The following GNAS-AS1 variants were observed in gnomAD, a reference collection of about 807,000 sequenced individuals.
The protein encoded by GNAS-AS1 is GNAS antisense RNA 1 (non-protein coding).
rs1326714027 is a variant in GNAS-AS1 at position 58,840,554 on chromosome 20, C to A, written n.819+1383G>T. On this transcript the variant is annotated intron_variant and non_coding_transcript_variant, in intron 4 of 4. Coordinates refer to ENST00000424094, the Ensembl canonical transcript of GNAS-AS1. This position sits in a 1 kb window ranked among gnomAD's most constrained non-coding sequence, Gnocchi z 6.0. ...TGAAGACGATCGCGGCCCGGTGGTGCCCAAGCACTCCACCTTCGGCCAGTC... is the reference window on the plus strand; with the variant it reads ...TGAAGACGATCGCGGCCCGGTGGTGACCAAGCACTCCACCTTCGGCCAGTC... 2.5e-6 allele frequency: 4 copies of A among 1,613,110 alleles called. No homozygotes were observed. Among genetic ancestry groups the A allele is most frequent in the Admixed American group, 1.7e-5 (1 of 60,000 alleles).
chr20:58,830,419 ACCACCG>A (rs2085552990), intron 4 of GNAS-AS1, among the ~76,000 whole-genome samples: 3 of 130,568 alleles, frequency 2.3e-5, no homozygotes, highest in Admixed American at 7.6e-5. Context: ...CACCATCACC[ACCACCG>A]CCACACCACC....
intron 2 of GNAS-AS1, chr20:58,843,182 C>G (rs1047280949): frequency 1.3e-5 from 2 of 150,722 alleles, no homozygotes; most frequent in Admixed American, 1.3e-4. Context: ...CACTCTCCCC[C>G]GCTCAATTCC....
Position 58,841,721 on chromosome 20 carries a change from C to T in GNAS-AS1, n.819+216G>A. 2 of 1,221,892 alleles carry T rather than the reference C, an allele frequency of 1.6e-6. No individual in the cohort carries two copies. Among genetic ancestry groups the T allele is most frequent in the Non-Finnish European group, 2.0e-6 (2 of 982,042 alleles). The allele number at this position is 1,221,892 out of a possible 1,614,324, so 75.7% of individuals were successfully genotyped here. The stretch of plus-strand genomic sequence containing the variant: ...CCCTTGGGGATGCCCCTACGGGCTA[C>T]CAGGGTTGAACGCACAGGCATGGTC... On this transcript the variant is annotated intron_variant and non_coding_transcript_variant, in intron 4 of 4. Transcript: ENST00000424094. This position sits in a 1 kb window ranked among gnomAD's most constrained non-coding sequence, Gnocchi z 5.0.
rs1380534346 is a variant in GNAS-AS1, at chr20:58,850,865, A to G, written n.39T>C. The G allele has an allele frequency of 1.0e-5, 4 of 398,664 alleles. No homozygotes were observed. The Admixed American group carries it at 1.8e-4, about 18-fold the overall frequency. The allele number at this position is 398,664 out of a possible 1,614,324, so 24.7% of individuals were successfully genotyped here. On this transcript the variant is annotated non_coding_transcript_exon_variant, in exon 1 of 5. Transcript: ENST00000424094. ...CCCCCCACCGGCTTCCAACCACCCC[A>G]GCAGCACCTCTTCGGGCGTTCCAAC...
At chr20:58,835,743 C>T (rs917107423) in intron 4 of GNAS-AS1, among the ~76,000 whole-genome samples, 1 of 152,156 alleles carries the variant, frequency 6.6e-6, no homozygotes, top group African/African-American at 2.4e-5. Flanking sequence ...CCACAGTGCC[C>T]GGAATAGTGT....
At chr20:58,826,304 TG>T (rs2085519929) in intron 4 of GNAS-AS1, among the ~76,000 whole-genome samples, 1 of 152,226 alleles carries the variant, frequency 6.6e-6, no homozygotes, top group African/African-American at 2.4e-5. Flanking sequence ...ACGGGAGGGC[TG>T]GGGGCCCAAA....
intron 4 of GNAS-AS1, among the ~76,000 whole-genome samples, chr20:58,821,674 T>G (rs1251331151): frequency 6.6e-6 from 1 of 152,134 alleles, no homozygotes; most frequent in East Asian, 1.9e-4. Context: ...AGACTCACAC[T>G]TCTTCAGAAG....
chr20:58,847,389 G>A (rs1221328461), intron 2 of GNAS-AS1, among the ~76,000 whole-genome samples: 1 of 152,218 alleles, frequency 6.6e-6, no homozygotes, highest in Non-Finnish European at 1.5e-5. Context: ...GCCTCCACCG[G>A]CCAAGGCGGG....
chr20:58,828,437 GT>G (rs2085534189), intron 4 of GNAS-AS1, among the ~76,000 whole-genome samples: 1 of 152,204 alleles, frequency 6.6e-6, no homozygotes, highest in Admixed American at 6.5e-5. Context: ...TCTCTGCTTG[GT>G]GTAGTAAACA....
In GNAS-AS1 at chr20:58,830,383, A is replaced by ACCACC. The variant is rs1568900209; in HGVS notation, n.820-11129_820-11128insGGTGG. On this transcript the variant is annotated intron_variant and non_coding_transcript_variant, in intron 4 of 4. Transcript: ENST00000424094. ...ACCACCACCACAACACCATCACCACAATCACCACCACCATCACTGCCACAC... is the reference window on the plus strand; with the variant it reads ...ACCACCACCACAACACCATCACCACACCACCATCACCACCACCATCACTGCCACAC... 4.1e-3 allele frequency among the ~76,000 whole-genome samples: 79 copies of ACCACC among 19,330 alleles called. 4 individuals carry two copies. The highest frequency in any genetic ancestry group is 9.1e-3 in the African/African-American group (41 of 4,514). 12.7% of individuals were successfully genotyped at this position (19,330 alleles called of 152,430 possible).
At chr20:58,838,817 TTAGG>T (rs930640556) in intron 4 of GNAS-AS1, 68 of 391,934 alleles carry the variant, frequency 1.7e-4, no homozygotes, top group African/African-American at 1.3e-3. Context: ...CTCAGGAGGC[TTAGG>T]TAGGAGAATC....
chr20:58,839,841 G>A (rs2145468437), intron 4 of GNAS-AS1: 3 of 594,920 alleles, frequency 5.0e-6, no homozygotes, highest in East Asian at 2.8e-5. Context: ...AGAGGAGCCC[G>A]GGAGGAGACA....
chr20:58,830,707 A>G (rs2085563519), intron 4 of GNAS-AS1, among the ~76,000 whole-genome samples: 1 of 146,350 alleles, frequency 6.8e-6, no homozygotes, highest in African/African-American at 2.5e-5. Context: ...CACTACCATC[A>G]CCACCAATGC....
In GNAS-AS1 at chr20:58,833,044, C is replaced by T. The variant is rs560824127; in HGVS notation, n.819+8893G>A. On this transcript the variant is annotated intron_variant and non_coding_transcript_variant, in intron 4 of 4. Coordinates refer to ENST00000424094, the Ensembl canonical transcript of GNAS-AS1. ...CCCTGCACCATCTCCACCAGGTGCC[C>T]AGGCACTCAGGAGGCACTGCTGGAC... Among the ~76,000 whole-genome samples the T allele has an allele frequency of 2.6e-5, 4 of 152,360 alleles. No homozygotes were observed. In the East Asian group the frequency reaches 7.7e-4, roughly 29 times the overall value.
chr20:58,839,481 C>T, intron 4 of GNAS-AS1: 1 of 401,928 alleles, frequency 2.5e-6, no homozygotes, highest in Non-Finnish European at 4.4e-6. Flanking sequence ...CCACGGGAGC[C>T]TGCGCCCACC....
chr20:58,826,135 A>T (rs925572202), intron 4 of GNAS-AS1: 1 of 398,680 alleles, frequency 2.5e-6, no homozygotes, highest in Non-Finnish European at 4.4e-6. Context: ...AGCACACTGA[A>T]GTCTATTTAA....
chr20:58,828,545 T>G (rs2085534868), intron 4 of GNAS-AS1, among the ~76,000 whole-genome samples: 1 of 152,202 alleles, frequency 6.6e-6, no homozygotes, highest in Admixed American at 6.5e-5. Context: ...TTTCCTTACT[T>G]GTAAAATAAA....
Position 58,840,028 on chromosome 20 carries a change from C to T in GNAS-AS1, n.819+1909G>A, listed in dbSNP as rs2085658034. On this transcript the variant is annotated intron_variant and non_coding_transcript_variant, in intron 4 of 4. Transcript: ENST00000424094. This position sits in a 1 kb window ranked among gnomAD's most constrained non-coding sequence, Gnocchi z 6.0. ...ACCTCATAGGGTGTACCTTTCCCGG[C>T]TCCAGCAGCCAATGTGCTTCGGAGC... The T allele has an allele frequency of 6.5e-7, 1 of 1,533,592 alleles. No individual in the cohort carries two copies. The highest frequency in any genetic ancestry group is 8.9e-7 in the Non-Finnish European group (1 of 1,119,364). The allele number at this position is 1,533,592 out of a possible 1,614,324, so 95.0% of individuals were successfully genotyped here.
chr20:58,845,411 G>A, intron 2 of GNAS-AS1, among the ~76,000 whole-genome samples: 1 of 151,992 alleles, frequency 6.6e-6, no homozygotes, highest in East Asian at 1.9e-4. Flanking sequence ...TGGACATACA[G>A]CTAGACCCCA....
Sources: gnomAD v4.1 joint callset for allele counts (sites outside exome capture counted in the v4.1 genomes callset) on GRCh38, gnomAD v4.1.1 for gene constraint, Gnocchi (gnomAD v3.1) non-coding constraint, MANE v1.5 for transcripts, NCBI Gene and HGNC (gene_info 2026-07-23, HGNC 2026-07-21) for gene names.